Variants in LRP2 observed in about 807,000 individuals in gnomAD.
LRP2 encodes the protein low-density lipoprotein receptor-related protein 2.
A neutral mutation model predicts 531.0 loss-of-function variants in LRP2; 172 were observed. That is an observed-to-expected ratio of 0.32 (90% CI 0.29 to 0.37). LRP2 has a LOEUF of 0.37. Among genes scored for constraint, LRP2 ranks in the 10% least tolerant of loss-of-function variants. The pLI is 1.00. For synonymous variants in LRP2, 1,992 were observed against 2,027.6 expected (o/e 0.98, Z 0.47); for missense variants, 5,167 against 5,868.3 (o/e 0.88, Z 3.90).
At chr2:169,349,421 T>C (rs544895985) in intron 1 of LRP2, among the ~76,000 whole-genome samples, 1 of 152,132 alleles carries the variant, frequency 6.6e-6, no homozygotes, top group East Asian at 1.9e-4. Flanking sequence ...TGGTGCACTG[T>C]GCATGGGGAG....
chr2:169,206,016 G>A lies in LRP2; in HGVS notation c.7556+7C>T. On this transcript the variant is annotated splice_region_variant and intron_variant, in intron 40 of 78. Transcript: ENST00000649046. The stretch of plus-strand genomic sequence containing the variant: ...ACAGAAATATAACAAGGAAGATGAT[G>A]GCATACCCTTGGCAGGGATCTAACA... 1 of 1,614,168 alleles carries A rather than the reference G, an allele frequency of 6.2e-7. No homozygotes were observed. The highest frequency in any genetic ancestry group is 1.1e-5 in the South Asian group (1 of 91,074).
rs199593393 is a variant in LRP2 at position 169,204,109 on chromosome 2, C to T, written c.7878G>A (p.Gln2626=). ...YRANKYDGSG[Q]IAMTTNLLSQ... ...AGAGCAAATTTGTGGTCATTGCAAT[C>T]TGACCTGACCCGTCATATTTGTTAG... Residue 2626 remains glutamine, a synonymous_variant, in exon 42 of 79, where the codon CAG becomes CAA. Coordinates refer to ENST00000649046, the MANE Select transcript of LRP2 (RefSeq NM_004525.3). 210 of 1,614,058 alleles carry T rather than the reference C, an allele frequency of 1.3e-4. No homozygotes were observed. Among genetic ancestry groups the T allele is most frequent in the Non-Finnish European group, 1.6e-4 (187 of 1,180,040 alleles).
At position 169,314,431 on chromosome 2, in the gene LRP2, A is replaced by AC. The variant is rs1684705999; in HGVS notation, c.310+4330_310+4331insG. Among the ~76,000 whole-genome samples the AC allele has an allele frequency of 4.6e-5, 7 of 151,226 alleles. No homozygotes were observed. In the South Asian group the frequency reaches 1.5e-3, roughly 31 times the overall value. The stretch of plus-strand genomic sequence containing the variant: ...AAGCAAGACCCCTGTCTCTAAAAAA[A>AC]AAAAAATATGTAAAAGATAAGTAGA... On this transcript the variant is annotated intron_variant, in intron 3 of 78. Coordinates refer to ENST00000649046, the MANE Select transcript of LRP2 (RefSeq NM_004525.3).
chr2:169,174,420 C>A (rs1419259305), intron 55 of LRP2, among the ~76,000 whole-genome samples: 1 of 152,220 alleles, frequency 6.6e-6, no homozygotes, highest in African/African-American at 2.4e-5. Context: ...TTAAGCATAC[C>A]TTCCTCTGTC....
chr2:169,167,406 T>A (rs939344532), intron 61 of LRP2, among the ~76,000 whole-genome samples: 2 of 152,154 alleles, frequency 1.3e-5, no homozygotes, highest in Non-Finnish European at 2.9e-5. Flanking sequence ...AACGTGAACT[T>A]CCAACAGGAG....
chr2:169,193,011 T>C (rs1687882911), intron 47 of LRP2, among the ~76,000 whole-genome samples: 2 of 152,202 alleles, frequency 1.3e-5, no homozygotes, highest in South Asian at 4.1e-4. Flanking sequence ...CATACCCTGT[T>C]GGTAATGAAA....
chr2:169,141,480 C>T (rs897219517), intron 71 of LRP2, among the ~76,000 whole-genome samples: 7 of 152,322 alleles, frequency 4.6e-5, no homozygotes, highest in Admixed American at 2.0e-4. Context: ...CAGTGCCTGG[C>T]ACATAGCTGG....
rs1689952929 is a variant in LRP2 at position 169,245,021 on chromosome 2, T to G, written c.3191-89A>C. ...CCTTATAAAGGCTCAGTTCACCTTT[T>G]TTAATGGAGGCATTGTATATAATAA... On this transcript the variant is annotated intron_variant, in intron 21 of 78. Coordinates refer to ENST00000649046, the MANE Select transcript of LRP2 (RefSeq NM_004525.3). 8 of 1,391,782 alleles carry G rather than the reference T, an allele frequency of 5.7e-6. No individual in the cohort carries two copies. In the Admixed American group the frequency reaches 1.3e-4, roughly 23 times the overall value. 86.2% of individuals were successfully genotyped at this position (1,391,782 alleles called of 1,614,324 possible).
At chr2:169,182,505 G>A in intron 50 of LRP2, 186 bp from the exon 51 acceptor site, 1 of 1,482,284 alleles carries the variant, frequency 6.7e-7, no homozygotes, top group South Asian at 1.3e-5. Context: ...AACAGAGGGT[G>A]CAAGACTGTG....
At chr2:169,177,672 G>A in intron 53 of LRP2, 131 bp downstream of exon 53, 1 of 827,190 alleles carries the variant, frequency 1.2e-6, no homozygotes, top group South Asian at 1.3e-5. Context: ...TCAACTTTCA[G>A]CATATGCTTT....
intron 34 of LRP2, among the ~76,000 whole-genome samples, chr2:169,219,795 A>G (rs1688923329): frequency 6.7e-6 from 1 of 149,984 alleles, no homozygotes. Flanking sequence ...TGTGCCCCCT[A>G]TAACTAAAAT....
rs1684081567 is a variant in LRP2, at chr2:169,294,364, A to AT, written c.539-104dup. ...ATCTCCAGTTTAAAAAGGGATTCTT[A>AT]TTAAGCAGTGGTGTGCTGGTAACTG... On this transcript the variant is annotated intron_variant, in intron 5 of 78. Transcript: ENST00000649046. 1.8e-5 allele frequency: 15 copies of AT among 819,006 alleles called. No homozygotes were observed. In the South Asian group the frequency reaches 2.1e-4, roughly 11 times the overall value. The allele number at this position is 819,006 out of a possible 1,614,324, so 50.7% of individuals were successfully genotyped here.
chr2:169,157,608 G>C (rs1176423138), intron 63 of LRP2, 106 bp from the exon 64 acceptor site: 6 of 1,274,032 alleles, frequency 4.7e-6, no homozygotes, highest in Non-Finnish European at 6.7e-6. Flanking sequence ...GACATCTTGA[G>C]ATAACCCCTT....
In LRP2 at chr2:169,165,968, C is replaced by T; in HGVS notation, c.11722G>A (p.Asp3908Asn). 6.2e-7 allele frequency: 1 copy of T among 1,614,074 alleles called. No individual in the cohort carries two copies. The highest frequency in any genetic ancestry group is 1.1e-5 in the South Asian group (1 of 91,076). ...YSHEVCNGVD[D>N]CGDGTDETEE... Reference sequence around the variant, plus strand: ...GTCTCATCAGTTCCATCTCCACAGTCATCCACACCATTGCACACCTCATGA... The same window carrying T: ...GTCTCATCAGTTCCATCTCCACAGTTATCCACACCATTGCACACCTCATGA... The change falls in exon 62 of 79, where the codon GAC (aspartate) becomes AAC (asparagine). Residue 3908 changes from aspartate (D) to asparagine (N), a missense_variant. Asp to Asn is a conservative substitution (Grantham distance 23). Coordinates refer to ENST00000649046, the MANE Select transcript of LRP2 (RefSeq NM_004525.3).
chr2:169,351,324 C>T (rs1574281824), intron 1 of LRP2, among the ~76,000 whole-genome samples: 1 of 152,072 alleles, frequency 6.6e-6, no homozygotes, highest in Non-Finnish European at 1.5e-5. Context: ...CACATCTGTA[C>T]AAGAATTTTA....
intron 1 of LRP2, among the ~76,000 whole-genome samples, chr2:169,323,988 A>G (rs938022604): frequency 2.6e-5 from 4 of 152,172 alleles, no homozygotes; most frequent in African/African-American, 4.8e-5. Context: ...TGAACACCCT[A>G]TCTCTCCAGC....
At chr2:169,151,446 C>T (rs1056412734) in intron 67 of LRP2, among the ~76,000 whole-genome samples, 1 of 152,104 alleles carries the variant, frequency 6.6e-6, no homozygotes, top group Admixed American at 6.5e-5. Flanking sequence ...GAGACATGGG[C>T]TTCTAGGTAG....
chr2:169,140,631 G>T (rs893984877), intron 71 of LRP2, 86 bp from the exon 72 acceptor site: 7 of 974,220 alleles, frequency 7.2e-6, no homozygotes, highest in Non-Finnish European at 9.8e-6. Flanking sequence ...GGTTAGGGGT[G>T]GGAGGAGGGG....
At position 169,156,396 on chromosome 2, in the gene LRP2, T is replaced by A; in HGVS notation, c.12029A>T (p.Glu4010Val). Residue 4010 changes from glutamate (E) to valine (V), a missense_variant, in exon 65 of 79, where the codon GAA becomes GTA. By Grantham distance (121) the Glu-to-Val change is moderately radical. Coordinates refer to ENST00000649046, the MANE Select transcript of LRP2 (RefSeq NM_004525.3). ...GGGACAAGTCCCAAATTGTTCACAT[T>A]CATTGATATCTGTAGGCAAAATAAA... is the stretch of plus-strand genomic sequence containing the variant. ...FDRTSCLDIN[E>V]CEQFGTCPQH... 6.2e-7 allele frequency: 1 copy of A among 1,613,484 alleles called. No homozygotes were observed. Among genetic ancestry groups the A allele is most frequent in the Non-Finnish European group, 8.5e-7 (1 of 1,179,520 alleles).
Sources: gnomAD v4.1 joint callset for allele counts (sites outside exome capture counted in the v4.1 genomes callset) on GRCh38, gnomAD v4.1.1 for gene constraint, MANE v1.5 for transcripts, NCBI Gene and HGNC (gene_info 2026-07-23, HGNC 2026-07-21) for gene names.